Variants in PALM2AKAP2 observed in about 807,000 individuals in gnomAD.
The protein encoded by PALM2AKAP2 is PALM2 and AKAP2 fusion.
PALM2AKAP2 carries 37 observed loss-of-function variants against 71.5 expected under a neutral mutation model. The observed-to-expected ratio is 0.52, with a 90% confidence interval of 0.40 to 0.68. The LOEUF (loss-of-function observed/expected upper bound fraction) is 0.68, where lower values mean the gene tolerates loss of function less well. Among genes scored for constraint, PALM2AKAP2 ranks in the 30% least tolerant of loss-of-function variants. The pLI, the probability that PALM2AKAP2 is intolerant of heterozygous loss-of-function variation, is 0.00. For synonymous variants in PALM2AKAP2, 468 were observed against 478.8 expected (o/e 0.98, Z 0.29); for missense variants, 1,224 against 1,191.8 (o/e 1.03, Z -0.40).
At chr9:109,916,640 G>T (rs1200122644) in intron 3 of PALM2AKAP2, among the ~76,000 whole-genome samples, 1 of 152,144 alleles carries the variant, frequency 6.6e-6, no homozygotes, top group Non-Finnish European at 1.5e-5. Flanking sequence ...ATCCTTCAAG[G>T]CCCAGTTAAT....
chr9:109,950,689 C>A (rs749126580), intron 6 of PALM2AKAP2, among the ~76,000 whole-genome samples: 1 of 152,192 alleles, frequency 6.6e-6, no homozygotes, highest in Non-Finnish European at 1.5e-5. Context: ...AGAGAAATAA[C>A]CCCTCTGGTT....
intron 6 of PALM2AKAP2, chr9:109,942,796 G>A (rs760886397): frequency 1.9e-6 from 3 of 1,614,180 alleles, no homozygotes; most frequent in South Asian, 2.2e-5. Context: ...AGGAGTCAAA[G>A]TCTATGATGA....
intron 6 of PALM2AKAP2, among the ~76,000 whole-genome samples, chr9:109,952,542 T>A (rs552776372): frequency 1.2e-4 from 19 of 152,336 alleles, no homozygotes; most frequent in African/African-American, 4.3e-4. Flanking sequence ...AGGTTAAGAT[T>A]GACAAGAGTT....
chr9:110,039,348 T>A (rs576577980), intron 7 of PALM2AKAP2, among the ~76,000 whole-genome samples: 3 of 152,096 alleles, frequency 2.0e-5, no homozygotes, highest in South Asian at 4.2e-4. Context: ...ACAAGAAAAA[T>A]TTTTTTTGAT....
chr9:110,003,895 C>A (rs1350765374), intron 6 of PALM2AKAP2, among the ~76,000 whole-genome samples: 2 of 152,158 alleles, frequency 1.3e-5, no homozygotes, highest in Non-Finnish European at 2.9e-5. Context: ...GATCTTCCCC[C>A]ATCCCTTTAT....
At chr9:110,053,823 G>A (rs1017529408) in intron 1 of PALM2AKAP2, among the ~76,000 whole-genome samples, 10 of 152,192 alleles carry the variant, frequency 6.6e-5, no homozygotes, top group Non-Finnish European at 1.2e-4. Context: ...GTTGAAGGGG[G>A]TGTGACATGA....
chr9:109,811,265 A>G (rs1467514100), intron 1 of PALM2AKAP2, among the ~76,000 whole-genome samples: 2 of 152,162 alleles, frequency 1.3e-5, no homozygotes, highest in Non-Finnish European at 1.5e-5. Flanking sequence ...CCAGCTGAGT[A>G]TGACAGAGAG....
intron 6 of PALM2AKAP2, among the ~76,000 whole-genome samples, chr9:109,985,316 T>C (rs1832352053): frequency 6.6e-6 from 1 of 152,202 alleles, no homozygotes; most frequent in Non-Finnish European, 1.5e-5. Context: ...CTTGGGCTTT[T>C]TCCCCAATGT....
At chr9:109,939,966 G>A (rs1831322224) in intron 6 of PALM2AKAP2, among the ~76,000 whole-genome samples, 1 of 152,192 alleles carries the variant, frequency 6.6e-6, no homozygotes, top group Non-Finnish European at 1.5e-5. Context: ...ATCTTATTAT[G>A]CAAGCAGATG....
At chr9:109,697,827 C>T (rs1827994888) in intron 1 of PALM2AKAP2, among the ~76,000 whole-genome samples, 1 of 152,140 alleles carries the variant, frequency 6.6e-6, no homozygotes, top group Non-Finnish European at 1.5e-5. Context: ...TTTAAATGAT[C>T]ACAAATTGCC....
At chr9:110,054,728 A>G (rs886397311) in intron 1 of PALM2AKAP2, among the ~76,000 whole-genome samples, 1 of 152,086 alleles carries the variant, frequency 6.6e-6, no homozygotes, top group African/African-American at 2.4e-5. Flanking sequence ...GCATGCCACC[A>G]TGCCTGGCTG....
At chr9:109,927,273 T>C (rs1026580369) in intron 5 of PALM2AKAP2, among the ~76,000 whole-genome samples, 3 of 152,202 alleles carry the variant, frequency 2.0e-5, no homozygotes, top group Non-Finnish European at 4.4e-5. Context: ...CACAATGTGG[T>C]GAAGCACATC....
intron 1 of PALM2AKAP2, among the ~76,000 whole-genome samples, chr9:110,105,081 C>T (rs570768694): frequency 3.3e-5 from 5 of 152,262 alleles, no homozygotes; most frequent in Admixed American, 2.6e-4. Flanking sequence ...GGCCAGAGGA[C>T]GAGGCTAGAA....
intron 1 of PALM2AKAP2, among the ~76,000 whole-genome samples, chr9:110,087,945 G>A (rs1834611061): frequency 6.6e-6 from 1 of 152,146 alleles, no homozygotes; most frequent in African/African-American, 2.4e-5. Context: ...AAGGGAGGAG[G>A]TCTCTGAGAC....
intron 1 of PALM2AKAP2, among the ~76,000 whole-genome samples, chr9:110,049,352 CAG>C (rs910075258): frequency 1.3e-5 from 2 of 152,134 alleles, no homozygotes; most frequent in South Asian, 2.1e-4. Flanking sequence ...CTGAACTTTT[CAG>C]AGAGACTGAA....
intron 1 of PALM2AKAP2, among the ~76,000 whole-genome samples, chr9:110,133,180 G>A (rs554522315): frequency 3.3e-5 from 5 of 152,270 alleles, no homozygotes; most frequent in South Asian, 2.1e-4. Context: ...ATTCATCATC[G>A]AGCACTTGAA....
intron 6 of PALM2AKAP2, among the ~76,000 whole-genome samples, chr9:109,941,553 T>A (rs1831367968): frequency 1.3e-5 from 2 of 152,184 alleles, no homozygotes; most frequent in African/African-American, 4.8e-5. Context: ...ATAGTTTTGA[T>A]AGAAGAAGCT....
At chr9:109,654,525 T>G (rs1340406926) in intron 1 of PALM2AKAP2, among the ~76,000 whole-genome samples, 9 of 152,238 alleles carry the variant, frequency 5.9e-5, no homozygotes. Context: ...TCTTCAAACC[T>G]AATTACATTT....
exon 2 of PALM2AKAP2, chr9:110,136,896 A>C: frequency 1.2e-6 from 2 of 1,614,198 alleles, no homozygotes; most frequent in Non-Finnish European, 1.7e-6. Context: ...GAGCTGGAAA[A>C]GGAGAGGAGA....
Sources: gnomAD v4.1 joint callset for allele counts (sites outside exome capture counted in the v4.1 genomes callset) on GRCh38, gnomAD v4.1.1 for gene constraint, MANE v1.5 for transcripts, NCBI Gene and HGNC (gene_info 2026-07-23, HGNC 2026-07-21) for gene names.